Variants in TMEM273 observed in about 807,000 individuals in gnomAD.
TMEM273 encodes the protein transmembrane protein 273, also known as chromosome 10 open reading frame 128.
A neutral mutation model predicts 17.9 loss-of-function variants in TMEM273; 19 were observed. The observed-to-expected ratio is 1.06, with a 90% CI of 0.74 to 1.55. The LOEUF is 1.55. Among genes scored for constraint, TMEM273 ranks in the 40% most tolerant of loss-of-function variants. TMEM273 has a pLI of 0.00. For missense variants in TMEM273, 194 were observed against 155.6 expected (o/e 1.25, Z -1.31); for synonymous variants, 66 against 62.0 (o/e 1.07, Z -0.31).
chr10:49,156,051 C>A, intron 6 of TMEM273, 142 bp from the exon 7 acceptor site: 1 of 1,557,902 alleles, frequency 6.4e-7, no homozygotes, highest in Non-Finnish European at 8.7e-7. Context: ...CTTCCTTGTG[C>A]AACATAGAAA....
At chr10:49,174,062 T>C (rs1482667289) in intron 1 of TMEM273, among the ~76,000 whole-genome samples, 1 of 152,186 alleles carries the variant, frequency 6.6e-6, no homozygotes. Flanking sequence ...TGGGCTTCCC[T>C]TTTTTCATCT....
intron 1 of TMEM273, among the ~76,000 whole-genome samples, chr10:49,172,777 G>A (rs1443329983): frequency 6.6e-6 from 1 of 152,208 alleles, no homozygotes; most frequent in Non-Finnish European, 1.5e-5. Flanking sequence ...GCAAGTGGCA[G>A]CTGCCCTTCT....
intron 1 of TMEM273, among the ~76,000 whole-genome samples, chr10:49,172,084 G>A (rs1287807951): frequency 6.6e-6 from 1 of 152,182 alleles, no homozygotes; most frequent in Non-Finnish European, 1.5e-5. Flanking sequence ...GTCTTCTTGG[G>A]ACTTAAATGT....
intron 5 of TMEM273, 120 bp from the exon 6 acceptor site, chr10:49,161,742 C>A: frequency 8.2e-7 from 1 of 1,224,498 alleles, no homozygotes; most frequent in Non-Finnish European, 1.2e-6. Context: ...GGTCTGACTT[C>A]CTCATGACTC....
chr10:49,156,386 G>C (rs1845510360), intron 6 of TMEM273: 3 of 824,060 alleles, frequency 3.6e-6, no homozygotes, highest in South Asian at 1.7e-5. Flanking sequence ...TGATGAAAGG[G>C]AAGGGCAGCA....
chr10:49,163,103 G>T (rs1564623035), intron 5 of TMEM273, among the ~76,000 whole-genome samples: 1 of 152,132 alleles, frequency 6.6e-6, no homozygotes, highest in Non-Finnish European at 1.5e-5. Flanking sequence ...GAAGAACACA[G>T]AGCTGCCCGG....
At chr10:49,171,777 G>T in intron 1 of TMEM273, among the ~76,000 whole-genome samples, 1 of 152,242 alleles carries the variant, frequency 6.6e-6, no homozygotes, top group East Asian at 1.9e-4. Flanking sequence ...CACAAGCTGA[G>T]ATGAGTTATT....
intron 5 of TMEM273, among the ~76,000 whole-genome samples, 155 bp downstream of exon 5, chr10:49,165,050 C>G (rs1286407393): frequency 1.3e-5 from 2 of 152,154 alleles, no homozygotes; most frequent in East Asian, 3.9e-4. Context: ...AAAAGGAAGA[C>G]CCTACCCGCC....
At chr10:49,161,226 G>A (rs1845820992) in intron 6 of TMEM273, 1 of 261,552 alleles carries the variant, frequency 3.8e-6, no homozygotes, top group Admixed American at 4.8e-5. Flanking sequence ...ATAGCATGAT[G>A]ACATGAAGAG....
intron 6 of TMEM273, chr10:49,161,101 A>G (rs1366817439): frequency 6.3e-6 from 1 of 158,502 alleles, no homozygotes; most frequent in Admixed American, 6.1e-5. Flanking sequence ...CCATAGGCTC[A>G]TTCAATCAGG....
At chr10:49,169,994 CGCCCTCCCCCT>C (rs1846452071) in intron 1 of TMEM273, among the ~76,000 whole-genome samples, 1 of 152,154 alleles carries the variant, frequency 6.6e-6, no homozygotes, top group Non-Finnish European at 1.5e-5. Flanking sequence ...GCTCACCCCA[CGCCCTCCCCCT>C]GCCACACTAG....
intron 5 of TMEM273, among the ~76,000 whole-genome samples, chr10:49,164,019 A>G (rs995245240): frequency 5.3e-5 from 8 of 152,142 alleles, no homozygotes; most frequent in Admixed American, 1.3e-4. Context: ...GGTCCCATGG[A>G]AGAACTGGAG....
chr10:49,175,918 C>A (rs974281930), intron 1 of TMEM273, among the ~76,000 whole-genome samples: 3 of 152,200 alleles, frequency 2.0e-5, no homozygotes, highest in African/African-American at 7.2e-5. Context: ...ACCCAGCCGA[C>A]CCTACTCACT....
chr10:49,186,123 A>AAGAAGAAGAAGAAGAAGAAGAGGAAG (rs1564652601), intron 1 of TMEM273, among the ~76,000 whole-genome samples: 1 of 78,608 alleles, frequency 1.3e-5, no homozygotes, highest in Non-Finnish European at 2.7e-5. Flanking sequence ...AGAAGAAGAA[A>AAGAAGAAGAAGAAGAAGAAGAGGAAG]AAGAGGAAGA....
intron 1 of TMEM273, among the ~76,000 whole-genome samples, chr10:49,177,910 A>G (rs1405270868): frequency 6.6e-6 from 1 of 152,190 alleles, no homozygotes; most frequent in African/African-American, 2.4e-5. Context: ...AGCTCAGGCC[A>G]CACACTGCTT....
intron 1 of TMEM273, among the ~76,000 whole-genome samples, chr10:49,173,025 C>T (rs145168581): frequency 0.014 from 2,073 of 152,308 alleles, 21 homozygotes; most frequent in Non-Finnish European, 0.023. Context: ...CTCAGAGCCT[C>T]AGGGGAAACT....
At chr10:49,182,164 G>A (rs1000399763) in intron 1 of TMEM273, among the ~76,000 whole-genome samples, 1 of 152,098 alleles carries the variant, frequency 6.6e-6, no homozygotes, top group Non-Finnish European at 1.5e-5. Context: ...GTAGAGATTT[G>A]TTATGCAGCA....
chr10:49,157,273 G>A (rs974775466), intron 6 of TMEM273, among the ~76,000 whole-genome samples: 2 of 152,234 alleles, frequency 1.3e-5, no homozygotes, highest in African/African-American at 2.4e-5. Context: ...GCAGATGGGT[G>A]TGTCACCAGC....
intron 1 of TMEM273, among the ~76,000 whole-genome samples, chr10:49,171,746 G>A (rs888352427): frequency 2.6e-5 from 4 of 152,118 alleles, no homozygotes; most frequent in African/African-American, 7.2e-5. Flanking sequence ...TCCTGGGGAG[G>A]AAGATGGCAG....
Sources: allele counts gnomAD v4.1 joint callset (sites outside exome capture counted in the v4.1 genomes callset), GRCh38; gene constraint gnomAD v4.1.1; transcripts MANE v1.5; gene names NCBI Gene and HGNC (gene_info 2026-07-23, HGNC 2026-07-21).